Variants in ARHGAP30 observed in about 807,000 individuals in gnomAD.
The protein encoded by ARHGAP30 is rho GTPase-activating protein 30.
Under a neutral mutation model 72.0 loss-of-function variants are expected in ARHGAP30, and 23 were observed. The observed-to-expected ratio is 0.32, with a 90% CI of 0.23 to 0.45. The LOEUF (loss-of-function observed/expected upper bound fraction) is 0.45, where lower values mean the gene tolerates loss of function less well. Among genes scored for constraint, ARHGAP30 ranks in the 20% least tolerant of loss-of-function variants. The pLI is 1.00. For missense variants in ARHGAP30, 1,319 were observed against 1,383.4 expected (o/e 0.95, Z 0.74); for synonymous variants, 576 against 528.2 (o/e 1.09, Z -1.24).
At chr1:161,057,047 A>C (rs1440559045) in intron 2 of ARHGAP30, among the ~76,000 whole-genome samples, 1 of 152,246 alleles carries the variant, frequency 6.6e-6, no homozygotes, top group Non-Finnish European at 1.5e-5. Flanking sequence ...AAGTGAAGAC[A>C]ACCCACAAAA....
chr1:161,048,040 C>A lies in ARHGAP30; in HGVS notation c.2981G>T (p.Ser994Ile), dbSNP rs2102022927. ...GGCCACAGCAGCATCAAAGGAAAGA[C>A]TACCCCCATTCCTCCAAGAGGATCG... The part of the protein sequence containing the change: ...ASRSSWRNGG[S>I]LSFDAAVALA... The change falls in exon 12 of 12, where the codon AGT (serine) becomes ATT (isoleucine). Residue 994 changes from serine to isoleucine, a missense_variant. Ser to Ile is a moderately radical substitution (Grantham distance 142). Coordinates refer to ENST00000368013, the MANE Select transcript of ARHGAP30 (RefSeq NM_001025598.2). The A allele has an allele frequency of 5.6e-6, 9 of 1,614,190 alleles. No individual in the cohort carries two copies. The highest frequency in any genetic ancestry group is 7.6e-6 in the Non-Finnish European group (9 of 1,180,024).
intron 5 of ARHGAP30, 113 bp from the exon 6 acceptor site, chr1:161,053,498 C>G: frequency 2.2e-6 from 2 of 919,546 alleles, no homozygotes; most frequent in South Asian, 4.3e-5. Context: ...CTCTCTCTCT[C>G]TCTCTCTCGA....
chr1:161,051,784 GCT>G, intron 9 of ARHGAP30, 69 bp from the exon 10 acceptor site: 1 of 1,464,776 alleles, frequency 6.8e-7, no homozygotes, highest in South Asian at 1.4e-5. Context: ...TCTCAAGAAG[GCT>G]CTGGAGAATG....
chr1:161,048,621 T>C lies in ARHGAP30; in HGVS notation c.2400A>G (p.Lys800=), dbSNP rs1217858537. The change falls in exon 12 of 12, where the codon AAA becomes AAG. Residue 800 remains lysine (K), a synonymous_variant. Transcript: ENST00000368013. ...CATGGTACCCCTTCTCCCTCTGTCC[T>C]TTGTCCTCATCCTCTCTGACTCCCT... The part of the protein sequence containing the change: ...EAEGVREDED[K]GQREKGYHEA... 3 of 1,614,068 alleles carry C rather than the reference T, an allele frequency of 1.9e-6. No homozygotes were observed. In the Admixed American group the frequency reaches 5.0e-5, roughly 27 times the overall value.
chr1:161,063,092 C>T (rs1367815580), intron 1 of ARHGAP30, among the ~76,000 whole-genome samples: 2 of 152,184 alleles, frequency 1.3e-5, no homozygotes, highest in African/African-American at 4.8e-5. Flanking sequence ...GGATTACAGG[C>T]GTGAGCCACT....
At chr1:161,056,340 C>G (rs1288335578) in intron 3 of ARHGAP30, 48 bp downstream of exon 3, 16 of 1,592,396 alleles carry the variant, frequency 1.0e-5, no homozygotes, top group Non-Finnish European at 1.4e-5. Context: ...CAAAACCAGG[C>G]TGTCCACCCC....
rs1281036585 is a variant in ARHGAP30, at chr1:161,047,588, GC to G, written c.*126del. ...GTGCCTCCCACAGTCAAAGAGAGAA[GC>G]TGGAGGGCCAAAGCCTATAGAGTTG... On this transcript the variant is annotated 3_prime_UTR_variant, in exon 12 of 12. Coordinates refer to ENST00000368013, the MANE Select transcript of ARHGAP30 (RefSeq NM_001025598.2). 6.8e-6 allele frequency: 7 copies of G among 1,034,458 alleles called. No individual in the cohort carries two copies. The highest frequency in any genetic ancestry group is 1.6e-5 in the African/African-American group (1 of 61,118). The allele number at this position is 1,034,458 out of a possible 1,614,324, so 64.1% of individuals were successfully genotyped here. A position where few individuals can be genotyped will look rare whatever the true frequency, so the allele number is the denominator to read the frequency against.
intron 1 of ARHGAP30, among the ~76,000 whole-genome samples, chr1:161,063,936 G>A (rs1652504119): frequency 6.6e-6 from 1 of 152,228 alleles, no homozygotes; most frequent in African/African-American, 2.4e-5. Flanking sequence ...CAGACCGGTT[G>A]ATCTCAAAAC....
chr1:161,053,476 C>CTT, intron 5 of ARHGAP30, 91 bp from the exon 6 acceptor site: 1 of 993,320 alleles, frequency 1.0e-6, no homozygotes, highest in Non-Finnish European at 1.3e-6. Flanking sequence ...CTCTCTCTCT[C>CTT]TCTCTCTCTC....
rs775003336 is a variant in ARHGAP30 at position 161,069,553 on chromosome 1, C to T, written c.72G>A (p.Glu24=). Residue 24 remains glutamate (E), a synonymous_variant, in exon 1 of 12, where the codon GAG becomes GAA. Coordinates refer to ENST00000368013, the MANE Select transcript of ARHGAP30 (RefSeq NM_001025598.2). The surrounding 1 kb of genome is among the most constrained non-coding windows in gnomAD (Gnocchi z 4.9). ...CCTCCTGGCCTGAGTGCTGCAGGTGCTCCTGCAAGTCGCACCCAAAAACCC... is the reference window on the plus strand; with the variant it reads ...CCTCCTGGCCTGAGTGCTGCAGGTGTTCCTGCAAGTCGCACCCAAAAACCC... ...KERVFGCDLQ[E]HLQHSGQEVP... is the part of the protein sequence containing the mutation. 6.8e-5 allele frequency: 109 copies of T among 1,611,076 alleles called. No homozygotes were observed. The highest frequency in any genetic ancestry group is 1.2e-4 in the Admixed American group (7 of 60,010).
Position 161,052,331 on chromosome 1 carries a change from C to T in ARHGAP30, c.973G>A (p.Ala325Thr), listed in dbSNP as rs1386144677. The T allele has an allele frequency of 6.2e-7, 1 of 1,614,018 alleles. No individual in the cohort carries two copies. The highest frequency in any genetic ancestry group is 1.1e-5 in the South Asian group (1 of 91,086). ...GCACTCAGTGAGTCCATGCTTTTGG[C>T]TGGCCGCAGTGTCCCCTTGTTGGAT... is the stretch of plus-strand genomic sequence containing the variant. ...DKSNKGTLRP[A>T]KSMDSLSAAA... The change falls in exon 9 of 12, where the codon GCC becomes ACC. Residue 325 changes from alanine (A) to threonine (T), a missense_variant. By Grantham distance (58) the Ala-to-Thr change is moderately conservative. This residue lies in a region of ARHGAP30 where 1,097 missense variants were observed against 1,045.2 expected (regional missense o/e 1.05). Coordinates refer to ENST00000368013, the MANE Select transcript of ARHGAP30 (RefSeq NM_001025598.2).
At position 161,051,761 on chromosome 1, in the gene ARHGAP30, A is replaced by C. The variant is rs1452505583; in HGVS notation, c.1019-46T>G. On this transcript the variant is annotated intron_variant, in intron 9 of 11. Transcript: ENST00000368013. ...CAGGTAGGCAATAGCCTAAACTCCAAGGGGCCTAGACATCTCAAGAAGGCT... is the reference window on the plus strand; with the variant it reads ...CAGGTAGGCAATAGCCTAAACTCCACGGGGCCTAGACATCTCAAGAAGGCT... 6 of 1,523,458 alleles carry C rather than the reference A, an allele frequency of 3.9e-6. No homozygotes were observed. In the African/African-American group the frequency reaches 6.9e-5, roughly 18 times the overall value. 94.4% of individuals were successfully genotyped at this position (1,523,458 alleles called of 1,614,324 possible).
chr1:161,048,424 C>G lies in ARHGAP30; in HGVS notation c.2597G>C (p.Gly866Ala). ...ACAGTCAACCTCCAGGGACGCTACA[C>G]CTGAACCTTCAGAGAGGGTGTCCTC... The part of the protein sequence containing the change: ...LEEDTLSEGS[G>A]VASLEVDCAK... The change falls in exon 12 of 12, where the codon GGT (glycine) becomes GCT (alanine). Residue 866 changes from glycine (G) to alanine (A), a missense_variant. Physicochemically the swap from Gly to Ala is moderately conservative, Grantham distance 60 (BLOSUM62 0). Around this residue, in one of 2 missense-constraint regions of ARHGAP30, gnomAD observed 1,097 missense variants for 1,045.2 expected, o/e 1.05. Coordinates refer to ENST00000368013, the MANE Select transcript of ARHGAP30 (RefSeq NM_001025598.2). The G allele has an allele frequency of 3.1e-6, 5 of 1,614,138 alleles. No individual in the cohort carries two copies. The highest frequency in any genetic ancestry group is 4.2e-6 in the Non-Finnish European group (5 of 1,180,028).
At chr1:161,056,588 G>A in intron 2 of ARHGAP30, 56 bp from the exon 3 acceptor site, 9 of 1,578,132 alleles carry the variant, frequency 5.7e-6, no homozygotes, top group South Asian at 1.1e-5. Context: ...GTGGGGAGAG[G>A]TGGGTCCCTA....
intron 5 of ARHGAP30, 93 bp from the exon 6 acceptor site, chr1:161,053,478 C>CTA: frequency 2.0e-6 from 2 of 1,022,380 alleles, no homozygotes; most frequent in Non-Finnish European, 2.6e-6. Flanking sequence ...CTCTCTCTCT[C>CTA]TCTCTCTCTC....
intron 1 of ARHGAP30, among the ~76,000 whole-genome samples, chr1:161,064,830 A>T (rs1285684850): frequency 2.5e-4 from 9 of 36,184 alleles, no homozygotes; most frequent in Admixed American, 2.3e-4. Flanking sequence ...AAAGAAAGAA[A>T]GAGAAAGAAA....
At position 161,069,643 on chromosome 1, in the gene ARHGAP30, C is replaced by G; in HGVS notation, c.-19G>C. ...ACTTCATGGCCAGAGCCCCAGGGCA[C>G]TGGCCCGGTCACCTCTATCCCCCAA... On this transcript the variant is annotated 5_prime_UTR_variant, in exon 1 of 12. Transcript: ENST00000368013. The surrounding 1 kb of genome is among the most constrained non-coding windows in gnomAD (Gnocchi z 4.9). 1 of 1,605,964 alleles carries G rather than the reference C, an allele frequency of 6.2e-7. No individual in the cohort carries two copies. Among genetic ancestry groups the G allele is most frequent in the South Asian group, 1.1e-5 (1 of 91,078 alleles).
rs140478074 is a variant in ARHGAP30, at chr1:161,047,975, G to A, written c.3046C>T (p.Arg1016Trp). 3,604 of 1,614,066 alleles carry A rather than the reference G, an allele frequency of 2.2e-3. 76 individuals are homozygous for A. In the South Asian group the frequency reaches 0.032, roughly 14 times the overall value. The change falls in exon 12 of 12, where the codon CGG (arginine) becomes TGG (tryptophan). Residue 1016 changes from arginine (R) to tryptophan (W), a missense_variant. Arg to Trp is a moderately radical substitution (Grantham distance 101, BLOSUM62 -3). Transcript: ENST00000368013. ...DRQRTEAQGV[R>W]RTQTCTEGGD... is the part of the protein sequence containing the mutation. ...CCCTCAGTACAGGTCTGGGTTCGCC[G>A]AACTCCTTGAGCCTCAGTCCTTTGG...
rs1329762777 is a variant in ARHGAP30, at chr1:161,048,761, C to T, written c.2260G>A (p.Glu754Lys). 9.3e-6 allele frequency: 15 copies of T among 1,613,988 alleles called. No individual in the cohort carries two copies. Among genetic ancestry groups the T allele is most frequent in the Non-Finnish European group, 1.3e-5 (15 of 1,180,004 alleles). ...TGGGCTTCCTCTCTTTGTTCATCCT[C>T]TTCTCTCTCAATTTCTTTTTCCTTC... Reference protein sequence around the residue: ...DEKEKEIEREEDEQREEAQVE... With the variant: ...DEKEKEIEREKDEQREEAQVE... The change falls in exon 12 of 12, where the codon GAG (glutamate) becomes AAG (lysine). Residue 754 changes from glutamate to lysine, a missense_variant. By Grantham distance (56) the Glu-to-Lys change is moderately conservative (BLOSUM62 1). This residue lies in a region of ARHGAP30 where 1,097 missense variants were observed against 1,045.2 expected (regional missense o/e 1.05). Transcript: ENST00000368013.
Sources: allele counts gnomAD v4.1 joint callset (sites outside exome capture counted in the v4.1 genomes callset), GRCh38; gene constraint gnomAD v4.1.1; regional missense constraint gnomAD v4.1.1; non-coding constraint Gnocchi (gnomAD v3.1); transcripts MANE v1.5; gene names NCBI Gene and HGNC (gene_info 2026-07-23, HGNC 2026-07-21).